The following HEXB variants were observed in gnomAD, a reference collection of about 807,000 sequenced individuals.
The protein encoded by HEXB is beta-hexosaminidase subunit beta.
In HEXB, 51 loss-of-function variants were observed where a neutral mutation model predicts 71.2. That is an observed-to-expected ratio of 0.72 (90% CI 0.57 to 0.90). The LOEUF is 0.90. Ranked by LOEUF, HEXB falls within the 40% of genes least tolerant of loss-of-function variation. The pLI is 0.00. For missense variants in HEXB, 617 were observed against 677.0 expected (o/e 0.91, Z 0.98); for synonymous variants, 266 against 249.3 (o/e 1.07, Z -0.63).
intron 1 of HEXB, among the ~76,000 whole-genome samples, chr5:74,647,231 G>A (rs556186382): frequency 1.2e-4 from 19 of 152,322 alleles, no homozygotes; most frequent in Admixed American, 9.8e-4. Flanking sequence ...ACAATTGACC[G>A]TTGTTTGAAG....
chr5:74,683,960 A>G (rs1374172906), upstream of HEXB, among the ~76,000 whole-genome samples: 1 of 151,642 alleles, frequency 6.6e-6, no homozygotes. Context: ...AGCTGGGATT[A>G]CAGGCGCCCG....
intron 1 of HEXB, among the ~76,000 whole-genome samples, chr5:74,649,761 AT>A (rs1177924737): frequency 6.6e-6 from 1 of 152,204 alleles, no homozygotes; most frequent in Non-Finnish European, 1.5e-5. Flanking sequence ...ACCATAGTTG[AT>A]TGAATGTCTT....
upstream of HEXB, among the ~76,000 whole-genome samples, chr5:74,681,262 T>C (rs760345365): frequency 1.2e-4 from 19 of 152,176 alleles, no homozygotes; most frequent in Non-Finnish European, 2.4e-4. Flanking sequence ...CTGGAGACAT[T>C]TATGTTTTTT....
At chr5:74,690,697 A>G in intron 2 of HEXB, among the ~76,000 whole-genome samples, 1 of 139,338 alleles carries the variant, frequency 7.2e-6, no homozygotes, top group African/African-American at 2.7e-5. Flanking sequence ...AAAAAAAAAA[A>G]AAGATAGGAT....
intron 11 of HEXB, among the ~76,000 whole-genome samples, chr5:74,719,305 A>G (rs563519598): frequency 6.6e-6 from 1 of 152,278 alleles, no homozygotes; most frequent in Admixed American, 6.5e-5. Context: ...CATTAACCTT[A>G]CATGCCCTCT....
chr5:74,645,318 C>T (rs1409009763), intron 1 of HEXB, among the ~76,000 whole-genome samples: 1 of 152,224 alleles, frequency 6.6e-6, no homozygotes, highest in Admixed American at 6.5e-5. Context: ...CCTCCTGCCT[C>T]TTCCTCCTGA....
At chr5:74,695,575 T>C (rs1749094851) in intron 3 of HEXB, among the ~76,000 whole-genome samples, 1 of 147,062 alleles carries the variant, frequency 6.8e-6, no homozygotes, top group Admixed American at 6.7e-5. Flanking sequence ...GCACGGTGGC[T>C]CACGCCTGTA....
At chr5:74,717,495 T>TATATATATAC (rs1491136831) in intron 9 of HEXB, among the ~76,000 whole-genome samples, 1 of 150,894 alleles carries the variant, frequency 6.6e-6, no homozygotes, top group Non-Finnish European at 1.5e-5. Context: ...TATATATATA[T>TATATATATAC]ACACATTTCC....
intron 3 of HEXB, 73 bp downstream of exon 3, chr5:74,693,777 C>T (rs1328571287): frequency 9.4e-6 from 10 of 1,067,838 alleles, no homozygotes; most frequent in African/African-American, 1.6e-5. Flanking sequence ...TGAAATTAAG[C>T]ACAGCAAAAC....
At chr5:74,693,595 G>A (rs1749047889) in intron 2 of HEXB, 44 bp from the exon 3 acceptor site, 1 of 1,301,706 alleles carries the variant, frequency 7.7e-7, no homozygotes, top group Non-Finnish European at 1.1e-6. Flanking sequence ...GTGTCATTGA[G>A]GGATTAACAA....
At chr5:74,688,644 A>G (rs1748926911) in intron 1 of HEXB, among the ~76,000 whole-genome samples, 1 of 152,204 alleles carries the variant, frequency 6.6e-6, no homozygotes, top group East Asian at 1.9e-4. Flanking sequence ...CAGCTGGCCA[A>G]CAAAAAGTAA....
intron 1 of HEXB, among the ~76,000 whole-genome samples, chr5:74,659,355 C>T (rs760932503): frequency 1.2e-4 from 18 of 152,254 alleles, no homozygotes; most frequent in East Asian, 3.9e-4. Context: ...GCTTGAAACA[C>T]GCTGGACAGC....
At chr5:74,647,065 G>A (rs781292477) in intron 1 of HEXB, among the ~76,000 whole-genome samples, 5 of 152,154 alleles carry the variant, frequency 3.3e-5, no homozygotes, top group Non-Finnish European at 4.4e-5. Context: ...CTTGGTAAAA[G>A]CTCACTCAGA....
chr5:74,707,457 G>C (rs1204417795), intron 6 of HEXB, among the ~76,000 whole-genome samples: 4 of 152,214 alleles, frequency 2.6e-5, no homozygotes, highest in Admixed American at 1.3e-4. Context: ...ACTTTGATGA[G>C]TTGAGAGAAG....
At chr5:74,704,512 G>T (rs917341351) in intron 5 of HEXB, among the ~76,000 whole-genome samples, 2 of 152,072 alleles carry the variant, frequency 1.3e-5, no homozygotes, top group Non-Finnish European at 2.9e-5. Context: ...TGAAATTCTT[G>T]GTTGGGACTC....
chr5:74,721,262 T>G lies in HEXB; in HGVS notation c.*87T>G. 9.5e-7 allele frequency: 1 copy of G among 1,050,466 alleles called. No individual in the cohort carries two copies. Among genetic ancestry groups the G allele is most frequent in the East Asian group, 2.5e-5 (1 of 39,686 alleles). The allele number at this position is 1,050,466 out of a possible 1,614,324, so 65.1% of individuals were successfully genotyped here. A position where few individuals can be genotyped will look rare whatever the true frequency, so the allele number is the denominator to read the frequency against. ...GTAAAATAAGATATTAGACTGTTTT[T>G]TGAATAAAATATTTTTATTGATTGA... On this transcript the variant is annotated 3_prime_UTR_variant, in exon 14 of 14. Transcript: ENST00000261416.
chr5:74,692,907 C>T (rs1390701801), intron 2 of HEXB, among the ~76,000 whole-genome samples: 1 of 152,212 alleles, frequency 6.6e-6, no homozygotes, highest in Non-Finnish European at 1.5e-5. Flanking sequence ...TTGGGCCAAC[C>T]TTAGAGTGTG....
At chr5:74,685,666 G>A in intron 1 of HEXB, 107 bp downstream of exon 1, 1 of 1,026,542 alleles carries the variant, frequency 9.7e-7, no homozygotes, top group Non-Finnish European at 1.4e-6. Flanking sequence ...ACGAGAAACC[G>A]CCTGGGAGCT....
intron 1 of HEXB, among the ~76,000 whole-genome samples, chr5:74,647,429 T>G (rs2112069029): frequency 6.6e-6 from 1 of 152,342 alleles, no homozygotes; most frequent in Admixed American, 6.5e-5. Context: ...TACTTACTGC[T>G]TATAGCTCAG....
Sources: allele counts gnomAD v4.1 joint callset (sites outside exome capture counted in the v4.1 genomes callset), GRCh38; gene constraint gnomAD v4.1.1; transcripts MANE v1.5; gene names NCBI Gene and HGNC (gene_info 2026-07-23, HGNC 2026-07-21).